The following WDR33 variants were observed in gnomAD, a reference collection of about 807,000 sequenced individuals.
The protein encoded by WDR33 is WD repeat domain 33.
Under a neutral mutation model 164.9 loss-of-function variants are expected in WDR33, and 47 were observed. The ratio of observed to expected loss-of-function variants is 0.29; its 90% CI spans 0.23 to 0.36. The LOEUF is 0.36. Among genes scored for constraint, WDR33 ranks in the 10% least tolerant of loss-of-function variants. The pLI is 1.00. For synonymous variants in WDR33, 505 were observed against 589.0 expected, an observed-to-expected ratio of 0.86 and a Z score of 2.06; for missense variants, 1,137 against 1,754.1, an observed-to-expected ratio of 0.65 and a Z score of 6.28.
chr2:127,726,646 CT>C lies in WDR33; in HGVS notation c.851+4del. On this transcript the variant is annotated splice_donor_region_variant and intron_variant, in intron 8 of 21. Transcript: ENST00000322313. This position sits in a 1 kb window ranked among gnomAD's most constrained non-coding sequence, Gnocchi z 4.8. ...AGGGGCCAAGGTGGGGTTCCTGTCA[CT>C]TACAGTGTTGCAAGACTCTGCCCAG... The C allele has an allele frequency of 6.2e-7, 1 of 1,613,992 alleles. No individual in the cohort carries two copies. The highest frequency in any genetic ancestry group is 8.5e-7 in the Non-Finnish European group (1 of 1,179,926).
At chr2:127,755,146 C>G (rs557738193) in intron 7 of WDR33, among the ~76,000 whole-genome samples, 63 of 152,288 alleles carry the variant, frequency 4.1e-4, no homozygotes, top group African/African-American at 1.5e-3. Context: ...ACAGAACTTC[C>G]TATTTATCTT....
chr2:127,772,131 AC>A, intron 1 of WDR33, among the ~76,000 whole-genome samples: 1 of 151,762 alleles, frequency 6.6e-6, no homozygotes, highest in Non-Finnish European at 1.5e-5. Flanking sequence ...GCCTGGCCTT[AC>A]ATTTTTAAAA....
chr2:127,702,015 C>T lies in WDR33; in HGVS notation c.*4308G>A, dbSNP rs532410260. 202 of 1,299,752 alleles carry T rather than the reference C, an allele frequency of 1.6e-4. 1 individual carries two copies. The East Asian group carries it at 3.4e-3, about 22-fold the overall frequency. 80.5% of individuals were successfully genotyped at this position (1,299,752 alleles called of 1,614,324 possible). A position where few individuals can be genotyped will look rare whatever the true frequency, so the allele number is the denominator to read the frequency against. ...CGCCACGCTGTTCGCCGCGCTGGGC[C>T]TTCGCAGCACGCTGCTCACGGTGCT... On this transcript the variant is annotated 3_prime_UTR_variant, in exon 22 of 22. Transcript: ENST00000322313.
chr2:127,715,974 G>A (rs537969605), intron 17 of WDR33, among the ~76,000 whole-genome samples: 1 of 152,156 alleles, frequency 6.6e-6, no homozygotes, highest in Non-Finnish European at 1.5e-5. Flanking sequence ...AAAGAGCAAG[G>A]ATGAGAGGGA....
chr2:127,750,580 C>T (rs1191278211), intron 7 of WDR33, among the ~76,000 whole-genome samples: 1 of 137,310 alleles, frequency 7.3e-6, no homozygotes, highest in East Asian at 2.3e-4. Flanking sequence ...ACCCGAGAGG[C>T]GGAAGTTGCA....
At position 127,712,992 on chromosome 2, in the gene WDR33, A is replaced by G. The variant is rs1686217284; in HGVS notation, c.3308+591T>C. 6.6e-6 allele frequency among the ~76,000 whole-genome samples: 1 copy of G among 152,150 alleles called. No homozygotes were observed. The highest frequency in any genetic ancestry group is 2.1e-4 in the South Asian group (1 of 4,826). On this transcript the variant is annotated intron_variant, in intron 18 of 21. Coordinates refer to ENST00000322313, the MANE Select transcript of WDR33 (RefSeq NM_018383.5). This position sits in a 1 kb window ranked among gnomAD's most constrained non-coding sequence, Gnocchi z 4.0. ...GGCTGTTCTTCAATTCCTGGCCTCA[A>G]GCGATCCTCCTGCCTCAGCCACCCA...
In WDR33 at chr2:127,736,451, G is replaced by A. The variant is rs566255007; in HGVS notation, c.725-9674C>T. The A allele has an allele frequency of 9.3e-5, 92 of 985,428 alleles. 1 individual carries two copies. In the South Asian group the frequency reaches 2.4e-3, roughly 26 times the overall value. 61.0% of individuals were successfully genotyped at this position (985,428 alleles called of 1,614,324 possible). On this transcript the variant is annotated intron_variant, in intron 7 of 21. Coordinates refer to ENST00000322313, the MANE Select transcript of WDR33 (RefSeq NM_018383.5). ...TTCAAGTTATAAAAAATTTTGAAAT[G>A]TATAGTGTCAGGAGCAACCAATACA...
rs1401224396 is a variant in WDR33, at chr2:127,764,956, G to A, written c.498C>T (p.Ala166=). 2 of 1,614,072 alleles carry A rather than the reference G, an allele frequency of 1.2e-6. No individual in the cohort carries two copies. Among genetic ancestry groups the A allele is most frequent in the South Asian group, 2.2e-5 (2 of 91,082 alleles). ...ILQAHDSPVR[A]MTWSHNDMWM... is the part of the protein sequence containing the mutation. ...ACATGTCATTATGTGACCACGTCAT[G>A]GCCCTCACTGGGCTGTCGTGAGCCT... The change falls in exon 6 of 22, where the codon GCC becomes GCT. Residue 166 remains alanine, a synonymous_variant. Transcript: ENST00000322313. This position sits in a 1 kb window ranked among gnomAD's most constrained non-coding sequence, Gnocchi z 6.2.
At chr2:127,783,013 A>T (rs114010805) in intron 1 of WDR33, among the ~76,000 whole-genome samples, 1 of 152,170 alleles carries the variant, frequency 6.6e-6, no homozygotes, top group Non-Finnish European at 1.5e-5. Context: ...TGTCTCAAAA[A>T]CTAATAATAA....
intron 7 of WDR33, among the ~76,000 whole-genome samples, chr2:127,747,438 G>GAA (rs75753938): frequency 8.0e-6 from 1 of 125,012 alleles, no homozygotes; most frequent in Non-Finnish European, 1.7e-5. Flanking sequence ...CTGCTCTACC[G>GAA]AAAAAAAAAA....
At chr2:127,750,759 C>G (rs1472664989) in intron 7 of WDR33, among the ~76,000 whole-genome samples, 6 of 101,872 alleles carry the variant, frequency 5.9e-5, no homozygotes, top group Admixed American at 1.2e-4. Context: ...TATATGTATA[C>G]ATACATATAT....
At chr2:127,744,845 T>C (rs1687120431) in intron 7 of WDR33, among the ~76,000 whole-genome samples, 1 of 152,188 alleles carries the variant, frequency 6.6e-6, no homozygotes, top group South Asian at 2.1e-4. Context: ...TTTCAAGATA[T>C]TGTAAACCTA....
At chr2:127,757,889 G>T (rs1687566001) in intron 7 of WDR33, among the ~76,000 whole-genome samples, 1 of 152,130 alleles carries the variant, frequency 6.6e-6, no homozygotes. Context: ...GTCATCTCAT[G>T]TAGTATAAAC....
intron 7 of WDR33, among the ~76,000 whole-genome samples, chr2:127,750,852 A>G (rs1036792612): frequency 7.3e-5 from 11 of 149,954 alleles, no homozygotes; most frequent in African/African-American, 2.7e-4. Flanking sequence ...AAATGTAAAA[A>G]TAAATAAAAC....
intron 18 of WDR33, among the ~76,000 whole-genome samples, chr2:127,711,778 A>ATTTTTTTTTTTTTTTTTTT (rs1375261650): frequency 2.0e-4 from 19 of 93,034 alleles, no homozygotes; most frequent in African/African-American, 9.5e-4. Context: ...ATATATATAT[A>ATTTTTTTTTTTTTTTTTTT]TATTTTTTTT....
chr2:127,769,932 C>T (rs915509424), intron 2 of WDR33, among the ~76,000 whole-genome samples: 1 of 152,164 alleles, frequency 6.6e-6, no homozygotes, highest in Non-Finnish European at 1.5e-5. Context: ...AGACCCCTGC[C>T]TTGCCTTTAC....
Position 127,765,314 on chromosome 2 carries a change from A to G in WDR33, c.379-45T>C, listed in dbSNP as rs745582252. Reference sequence around the variant, plus strand: ...AGGTTATACATCCTCCAACTTCACTAATTTTGAAAAACATATTAAAGGTAT... The same window carrying G: ...AGGTTATACATCCTCCAACTTCACTGATTTTGAAAAACATATTAAAGGTAT... On this transcript the variant is annotated intron_variant, in intron 4 of 21. Transcript: ENST00000322313. 4.3e-6 allele frequency: 6 copies of G among 1,409,370 alleles called. No homozygotes were observed. The Admixed American group carries it at 8.1e-5, about 19-fold the overall frequency. The allele number at this position is 1,409,370 out of a possible 1,614,324, so 87.3% of individuals were successfully genotyped here.
At position 127,764,278 on chromosome 2, in the gene WDR33, C is replaced by A; in HGVS notation, c.626+550G>T. 7.9e-7 allele frequency: 1 copy of A among 1,259,268 alleles called. No individual in the cohort carries two copies. The highest frequency in any genetic ancestry group is 1.0e-6 in the Non-Finnish European group (1 of 1,000,660). 78.0% of individuals were successfully genotyped at this position (1,259,268 alleles called of 1,614,324 possible). ...CTTGACAATGATCTGCTTACAGCTG[C>A]AAAGCTTGAAGAACCCATTCATTAC... On this transcript the variant is annotated intron_variant, in intron 6 of 21. Transcript: ENST00000322313. This position sits in a 1 kb window ranked among gnomAD's most constrained non-coding sequence, Gnocchi z 6.2.
At chr2:127,725,416 C>CA (rs1344865213) in intron 8 of WDR33, among the ~76,000 whole-genome samples, 1 of 152,184 alleles carries the variant, frequency 6.6e-6, no homozygotes, top group Non-Finnish European at 1.5e-5. Flanking sequence ...ACTGCCCAGA[C>CA]AAAGACAGCT....
Sources: gnomAD v4.1 joint callset for allele counts (sites outside exome capture counted in the v4.1 genomes callset) on GRCh38, gnomAD v4.1.1 for gene constraint, Gnocchi (gnomAD v3.1) non-coding constraint, MANE v1.5 for transcripts, NCBI Gene and HGNC (gene_info 2026-07-23, HGNC 2026-07-21) for gene names.